Variants in NELFCD observed in about 807,000 individuals in gnomAD.
The protein encoded by NELFCD is negative elongation factor C/D.
A neutral mutation model predicts 72.9 loss-of-function variants in NELFCD; 48 were observed. The ratio of observed to expected loss-of-function variants is 0.66; its 90% CI spans 0.52 to 0.84. NELFCD has a LOEUF of 0.84. NELFCD is among the 40% of genes least tolerant of loss of function. The pLI, the probability that NELFCD is intolerant of heterozygous loss-of-function variation, is 0.00. For missense variants in NELFCD, 538 were observed against 723.8 expected, an observed-to-expected ratio of 0.74 and a Z score of 2.94; for synonymous variants, 297 against 280.6, an observed-to-expected ratio of 1.06 and a Z score of -0.59.
chr20:58,986,197 CACT>C lies in NELFCD; in HGVS notation c.166_168del (p.Thr56del). The C allele has an allele frequency of 6.2e-7, 1 of 1,601,914 alleles. No individual in the cohort carries two copies. The highest frequency in any genetic ancestry group is 2.2e-5 in the East Asian group (1 of 44,818). On this transcript the variant is annotated inframe_deletion, in exon 2 of 15. Coordinates refer to ENST00000652272, the MANE Select transcript of NELFCD (RefSeq NM_198976.4). The surrounding 1 kb of genome is among the most constrained non-coding windows in gnomAD (Gnocchi z 4.4). ...ATATCATGGAACCCTCCATCTTCAA[CACT>C]CTGAAGAGGTATGTGAGAAAGGTGT...
At position 58,986,671 on chromosome 20, in the gene NELFCD, C is replaced by T; in HGVS notation, c.177-83C>T. 9.9e-7 allele frequency: 1 copy of T among 1,009,030 alleles called. No individual in the cohort carries two copies. The highest frequency in any genetic ancestry group is 1.3e-5 in the South Asian group (1 of 78,618). 62.5% of individuals were successfully genotyped at this position (1,009,030 alleles called of 1,614,324 possible). A position where few individuals can be genotyped will look rare whatever the true frequency, so the allele number is the denominator to read the frequency against. ...TCCGCTGCTTTAAAAATTTTGAAAC[C>T]TGATTCTCTTCCTCCTTCCTTACCT... On this transcript the variant is annotated intron_variant, in intron 2 of 14. Coordinates refer to ENST00000652272, the MANE Select transcript of NELFCD (RefSeq NM_198976.4). This position sits in a 1 kb window ranked among gnomAD's most constrained non-coding sequence, Gnocchi z 4.4.
chr20:58,993,684 CT>C lies in NELFCD; in HGVS notation c.1503del (p.Pro502LeufsTer65). ...MVHLLSRGYV[L>X]PVVSYIRKCL... ...TCACCTGCTGAGTCGAGGTTATGTA[CT>C]TCCTGTTGTCAGTTACATCCGAAAG... On this transcript the variant is annotated frameshift_variant, in exon 13 of 15. Coordinates refer to ENST00000652272, the MANE Select transcript of NELFCD (RefSeq NM_198976.4). LOFTEE classifies it high-confidence loss of function. The surrounding 1 kb of genome is among the most constrained non-coding windows in gnomAD (Gnocchi z 5.0). The C allele has an allele frequency of 6.2e-7, 1 of 1,614,210 alleles. No homozygotes were observed.
intron 5 of NELFCD, 74 bp from the exon 6 acceptor site, chr20:58,989,414 C>T: frequency 6.4e-7 from 1 of 1,562,464 alleles, no homozygotes; most frequent in Non-Finnish European, 8.8e-7. Context: ...TCACCATGAA[C>T]ACTGACAAGC....
chr20:58,988,743 C>T (rs950997210), intron 4 of NELFCD, among the ~76,000 whole-genome samples, 171 bp from the exon 5 acceptor site: 7 of 152,152 alleles, frequency 4.6e-5, no homozygotes, highest in Non-Finnish European at 1.0e-4. Flanking sequence ...ACCTTTCTGT[C>T]ACTCAGCCGA....
intron 1 of NELFCD, among the ~76,000 whole-genome samples, chr20:58,982,924 G>T (rs946803468): frequency 6.6e-6 from 1 of 151,816 alleles, no homozygotes. Flanking sequence ...TACTTATCTG[G>T]TAAGTGTAGA....
At position 58,988,876 on chromosome 20, in the gene NELFCD, G is replaced by T. The variant is rs1367054797; in HGVS notation, c.397-38G>T. 3 of 1,445,974 alleles carry T rather than the reference G, an allele frequency of 2.1e-6. No individual in the cohort carries two copies. The East Asian group carries it at 6.8e-5, about 33-fold the overall frequency. 89.6% of individuals were successfully genotyped at this position (1,445,974 alleles called of 1,614,324 possible). A position where few individuals can be genotyped will look rare whatever the true frequency, so the allele number is the denominator to read the frequency against. On this transcript the variant is annotated intron_variant, in intron 4 of 14. Transcript: ENST00000652272. ...GAATCTCCACTCAAGTAAAAGTGGG[G>T]CCTCCTCCTATCTTGCTGTTTGTGT...
At chr20:58,983,369 C>T (rs1359543142) in intron 1 of NELFCD, among the ~76,000 whole-genome samples, 1 of 151,624 alleles carries the variant, frequency 6.6e-6, no homozygotes, top group East Asian at 1.9e-4. Flanking sequence ...CTCCTGACCT[C>T]AGGTGATCCG....
At position 58,991,920 on chromosome 20, in the gene NELFCD, A is replaced by C. The variant is rs769704967; in HGVS notation, c.1129A>C (p.Thr377Pro). The change falls in exon 10 of 15, where the codon ACG (threonine) becomes CCG (proline). Residue 377 changes from threonine (T) to proline (P), a missense_variant. Around this residue, in one of 3 missense-constraint regions of NELFCD, gnomAD observed 355 missense variants for 534.5 expected, o/e 0.66. Transcript: ENST00000652272. ...VSINKDELKS[T>P]SKAVETVHNL... ...CATCAATAAAGATGAGCTGAAGTCA[A>C]CGTCAAAAGCTGTCGAAACCGTTCA... 1.2e-6 allele frequency: 2 copies of C among 1,614,144 alleles called. No individual in the cohort carries two copies. Among genetic ancestry groups the C allele is most frequent in the African/African-American group, 1.3e-5 (1 of 74,944 alleles).
rs1032407690 is a variant in NELFCD at position 58,986,548 on chromosome 20, G to T, written c.177-206G>T. On this transcript the variant is annotated intron_variant, in intron 2 of 14. Transcript: ENST00000652272. The surrounding 1 kb of genome is among the most constrained non-coding windows in gnomAD (Gnocchi z 4.4). The stretch of plus-strand genomic sequence containing the variant: ...TGGGAGAGACAGGGCTCCTTACGTT[G>T]CCCTGGCTGCTCTTGAACTCCTAGG... 1 of 583,258 alleles carries T rather than the reference G, an allele frequency of 1.7e-6. No homozygotes were observed. The highest frequency in any genetic ancestry group is 3.4e-5 in the Admixed American group (1 of 29,556). 36.1% of individuals were successfully genotyped at this position (583,258 alleles called of 1,614,324 possible).
At chr20:58,990,022 C>G in intron 7 of NELFCD, 34 bp downstream of exon 7, 1 of 1,604,190 alleles carries the variant, frequency 6.2e-7, no homozygotes, top group Non-Finnish European at 8.5e-7. Flanking sequence ...GCCCTTCCTT[C>G]CTAGTGCTCC....
In NELFCD at chr20:58,988,994, CTGTT is replaced by C. The variant is rs2091793397; in HGVS notation, c.480_483del (p.Cys160Ter). ...ATAAACTGGCTGAAGCCCATCCAGA[CTGTT>C]TGATGCTGAACTTCACCGTTAAGGT... On this transcript the variant is annotated frameshift_variant, in exon 5 of 15. Coordinates refer to ENST00000652272, the MANE Select transcript of NELFCD (RefSeq NM_198976.4). LOFTEE classifies it high-confidence loss of function. 6.2e-7 allele frequency: 1 copy of C among 1,613,400 alleles called. No individual in the cohort carries two copies. Among genetic ancestry groups the C allele is most frequent in the Non-Finnish European group, 8.5e-7 (1 of 1,179,434 alleles).
Position 58,993,262 on chromosome 20 carries a change from T to A in NELFCD, c.1344+150T>A. ...CCTGAGGATTTTCCTCTTAAGGACC[T>A]AGCTTCATTGACTGCAGAAATTTCT... On this transcript the variant is annotated intron_variant, in intron 11 of 14. Transcript: ENST00000652272. The surrounding 1 kb of genome is among the most constrained non-coding windows in gnomAD (Gnocchi z 5.0). The A allele has an allele frequency of 1.2e-6, 1 of 818,734 alleles. No homozygotes were observed. The highest frequency in any genetic ancestry group is 2.0e-6 in the Non-Finnish European group (1 of 511,512). 50.7% of individuals were successfully genotyped at this position (818,734 alleles called of 1,614,324 possible).
At position 58,986,692 on chromosome 20, in the gene NELFCD, T is replaced by C; in HGVS notation, c.177-62T>C. On this transcript the variant is annotated intron_variant, in intron 2 of 14. Transcript: ENST00000652272. This position sits in a 1 kb window ranked among gnomAD's most constrained non-coding sequence, Gnocchi z 4.4. Reference sequence around the variant, plus strand: ...AAACCTGATTCTCTTCCTCCTTCCTTACCTTCCTGTTGTCCATCATTCCAT... The same window carrying C: ...AAACCTGATTCTCTTCCTCCTTCCTCACCTTCCTGTTGTCCATCATTCCAT... 8.7e-7 allele frequency: 1 copy of C among 1,145,108 alleles called. No homozygotes were observed. Among genetic ancestry groups the C allele is most frequent in the South Asian group, 1.2e-5 (1 of 81,496 alleles). 70.9% of individuals were successfully genotyped at this position (1,145,108 alleles called of 1,614,324 possible).
At position 58,993,897 on chromosome 20, in the gene NELFCD, C is replaced by A; in HGVS notation, c.1581+133C>A. ...TGTAGTGATGACAATGACAGATACT[C>A]GTTTACCAAAAAGCACCTTCTGCCT... On this transcript the variant is annotated intron_variant, in intron 13 of 14. Transcript: ENST00000652272. The surrounding 1 kb of genome is among the most constrained non-coding windows in gnomAD (Gnocchi z 5.0). The A allele has an allele frequency of 8.3e-7, 1 of 1,208,850 alleles. No homozygotes were observed. The highest frequency in any genetic ancestry group is 1.2e-6 in the Non-Finnish European group (1 of 852,384). 74.9% of individuals were successfully genotyped at this position (1,208,850 alleles called of 1,614,324 possible). A position where few individuals can be genotyped will look rare whatever the true frequency, so the allele number is the denominator to read the frequency against.
chr20:58,983,681 C>T (rs2091752962), intron 1 of NELFCD, among the ~76,000 whole-genome samples: 1 of 152,180 alleles, frequency 6.6e-6, no homozygotes. Context: ...CCGCCTCCGC[C>T]TCTCAAAGTG....
chr20:58,987,525 G>A (rs2091781280), intron 3 of NELFCD, 183 bp from the exon 4 acceptor site: 2 of 599,558 alleles, frequency 3.3e-6, no homozygotes, highest in East Asian at 2.8e-5. Flanking sequence ...GTTCTGTTCT[G>A]TGCTGCTTTT....
chr20:58,983,773 G>A (rs1031016507), intron 1 of NELFCD, among the ~76,000 whole-genome samples: 2 of 152,098 alleles, frequency 1.3e-5, no homozygotes, highest in Non-Finnish European at 2.9e-5. Context: ...GGGCATATAA[G>A]GGCCATCTAA....
chr20:58,990,803 A>G, intron 7 of NELFCD, 107 bp from the exon 8 acceptor site: 1 of 1,006,120 alleles, frequency 9.9e-7, no homozygotes, highest in Non-Finnish European at 1.5e-6. Context: ...ATACTCGTGA[A>G]TGACAGAAAA....
At position 58,986,897 on chromosome 20, in the gene NELFCD, A is replaced by T; in HGVS notation, c.286+34A>T. On this transcript the variant is annotated intron_variant, in intron 3 of 14. Coordinates refer to ENST00000652272, the MANE Select transcript of NELFCD (RefSeq NM_198976.4). This position sits in a 1 kb window ranked among gnomAD's most constrained non-coding sequence, Gnocchi z 4.4. ...TGGGTGTCCCCTGTCCTGGCTAGTT[A>T]CCCCCACTTTTTTAAAAATAGACTT... 1.4e-6 allele frequency: 2 copies of T among 1,400,880 alleles called. No homozygotes were observed. The highest frequency in any genetic ancestry group is 1.0e-6 in the Non-Finnish European group (1 of 1,003,668). The allele number at this position is 1,400,880 out of a possible 1,614,324, so 86.8% of individuals were successfully genotyped here. A position where few individuals can be genotyped will look rare whatever the true frequency, so the allele number is the denominator to read the frequency against.
Sources: allele counts gnomAD v4.1 joint callset (sites outside exome capture counted in the v4.1 genomes callset), GRCh38; gene constraint gnomAD v4.1.1; regional missense constraint gnomAD v4.1.1; non-coding constraint Gnocchi (gnomAD v3.1); transcripts MANE v1.5; gene names NCBI Gene and HGNC (gene_info 2026-07-23, HGNC 2026-07-21).